The following CRTC3 variants were observed in gnomAD, a reference collection of about 807,000 sequenced individuals.
The protein encoded by CRTC3 is CREB regulated transcription coactivator 3.
Under a neutral mutation model 74.5 loss-of-function variants are expected in CRTC3, and 26 were observed. That is an observed-to-expected ratio of 0.35 (90% CI 0.26 to 0.48). CRTC3 has a LOEUF of 0.48. Among genes scored for constraint, CRTC3 ranks in the 20% least tolerant of loss-of-function variants. CRTC3 has a pLI of 0.99. For missense variants in CRTC3, 760 were observed against 787.3 expected, an observed-to-expected ratio of 0.97 and a Z score of 0.41; for synonymous variants, 377 against 325.8, an observed-to-expected ratio of 1.16 and a Z score of -1.69.
At chr15:90,617,052 A>T (rs570637774) in intron 7 of CRTC3, among the ~76,000 whole-genome samples, 1 of 151,852 alleles carries the variant, frequency 6.6e-6, no homozygotes, top group Admixed American at 6.6e-5. Context: ...CCTGGCCTCA[A>T]TTGTCTACAT....
chr15:90,532,512 G>T (rs978875859), intron 1 of CRTC3, among the ~76,000 whole-genome samples: 8 of 152,168 alleles, frequency 5.3e-5, no homozygotes, highest in Non-Finnish European at 1.2e-4. Context: ...AATCGATAGG[G>T]CAGACATTAC....
intron 6 of CRTC3, among the ~76,000 whole-genome samples, chr15:90,610,127 T>A (rs1350217062): frequency 6.6e-6 from 1 of 152,248 alleles, no homozygotes; most frequent in East Asian, 1.9e-4. Context: ...GGAGCTATTT[T>A]AAATAGTTTC....
At chr15:90,585,365 G>C (rs1200431070) in intron 2 of CRTC3, among the ~76,000 whole-genome samples, 2 of 152,090 alleles carry the variant, frequency 1.3e-5, no homozygotes, top group African/African-American at 2.4e-5. Context: ...GGCTGGTCTC[G>C]AACTCCTGGG....
chr15:90,638,417 A>T, intron 11 of CRTC3, 29 bp from the exon 12 acceptor site: 1 of 1,598,708 alleles, frequency 6.3e-7, no homozygotes, highest in East Asian at 2.2e-5. Context: ...GCAGAAGCTC[A>T]TTAGTGGCTT....
chr15:90,539,044 G>T (rs545223365), intron 1 of CRTC3, among the ~76,000 whole-genome samples: 13 of 152,278 alleles, frequency 8.5e-5, no homozygotes, highest in African/African-American at 2.9e-4. Context: ...CATCCTAGGG[G>T]CTTAGATCTG....
At chr15:90,586,641 TGA>T (rs1967672150) in intron 2 of CRTC3, among the ~76,000 whole-genome samples, 1 of 152,158 alleles carries the variant, frequency 6.6e-6, no homozygotes, top group Non-Finnish European at 1.5e-5. Flanking sequence ...ATTATAGGTG[TGA>T]GCCACCGTGC....
chr15:90,535,197 G>C (rs1966698892), intron 1 of CRTC3, among the ~76,000 whole-genome samples: 1 of 151,734 alleles, frequency 6.6e-6, no homozygotes, highest in African/African-American at 2.4e-5. Context: ...GAACCATGAG[G>C]AGGGCCTAGG....
In CRTC3 at chr15:90,643,664, C is replaced by T. The variant is rs556012423; in HGVS notation, c.*1524C>T. Reference sequence around the variant, plus strand: ...AAATAGATGGGCCAGATTTCCACCACCGCCTGCCTCCTCTAACTTGGGTGA... The same window carrying T: ...AAATAGATGGGCCAGATTTCCACCATCGCCTGCCTCCTCTAACTTGGGTGA... On this transcript the variant is annotated 3_prime_UTR_variant, in exon 15 of 15. Transcript: ENST00000268184. 2.2e-4 allele frequency: 50 copies of T among 230,744 alleles called. 1 individual carries two copies. Among genetic ancestry groups the T allele is most frequent in the Non-Finnish European group, 3.4e-4 (40 of 117,712 alleles). 14.3% of individuals were successfully genotyped at this position (230,744 alleles called of 1,614,324 possible).
At chr15:90,600,839 A>G (rs530357861) in intron 3 of CRTC3, among the ~76,000 whole-genome samples, 3 of 152,368 alleles carry the variant, frequency 2.0e-5, no homozygotes, top group East Asian at 1.9e-4. Flanking sequence ...ATTTAATCCA[A>G]TCAGTGATCC....
At chr15:90,613,402 G>C (rs994099689) in intron 6 of CRTC3, among the ~76,000 whole-genome samples, 3 of 152,134 alleles carry the variant, frequency 2.0e-5, no homozygotes, top group East Asian at 3.9e-4. Context: ...TTCATTTATC[G>C]ACCTCTTCGT....
chr15:90,591,195 C>T lies in CRTC3; in HGVS notation c.232-2441C>T, dbSNP rs528335213. On this transcript the variant is annotated intron_variant, in intron 2 of 14. Coordinates refer to ENST00000268184, the MANE Select transcript of CRTC3 (RefSeq NM_022769.5). ...CCCAGGCTGGTCTTGAACTCCTGGC[C>T]TCAAGTGGTCCTCCCACCTCATGCT... 2.6e-5 allele frequency among the ~76,000 whole-genome samples: 4 copies of T among 152,034 alleles called. No homozygotes were observed. The South Asian group carries it at 8.3e-4, about 32-fold the overall frequency.
At chr15:90,543,636 T>G (rs11853611) in intron 2 of CRTC3, among the ~76,000 whole-genome samples, 24,785 of 152,134 alleles carry the variant, frequency 0.16, 2,306 homozygotes, top group African/African-American at 0.24. Context: ...TCTCCCCAAT[T>G]AGGCTGGTGG....
rs988933071 is a variant in CRTC3, at chr15:90,644,222, T to C, written c.*2082T>C. On this transcript the variant is annotated 3_prime_UTR_variant, in exon 15 of 15. Coordinates refer to ENST00000268184, the MANE Select transcript of CRTC3 (RefSeq NM_022769.5). Reference sequence around the variant, plus strand: ...TTTGTGCTCAAGATCTCAGAGGGGGTGGCTTTTTGTTAAAGAGCCTTCAGT... The same window carrying C: ...TTTGTGCTCAAGATCTCAGAGGGGGCGGCTTTTTGTTAAAGAGCCTTCAGT... 15 of 228,840 alleles carry C rather than the reference T, an allele frequency of 6.6e-5. No homozygotes were observed. In the Admixed American group the frequency reaches 8.0e-4, roughly 12 times the overall value. The allele number at this position is 228,840 out of a possible 1,614,324, so 14.2% of individuals were successfully genotyped here.
intron 9 of CRTC3, among the ~76,000 whole-genome samples, chr15:90,625,215 G>A (rs370995043): frequency 1.9e-4 from 16 of 84,992 alleles, no homozygotes; most frequent in African/African-American, 7.4e-4. Context: ...GCCTGACCCC[G>A]GCGGACACAC....
intron 2 of CRTC3, among the ~76,000 whole-genome samples, chr15:90,587,905 T>G (rs529704546): frequency 2.0e-5 from 3 of 151,274 alleles, no homozygotes; most frequent in African/African-American, 7.3e-5. Context: ...TGAGCCACTA[T>G]GCCTGGCTCC....
chr15:90,547,797 G>C (rs1966846954), intron 2 of CRTC3, among the ~76,000 whole-genome samples: 1 of 151,914 alleles, frequency 6.6e-6, no homozygotes, highest in Non-Finnish European at 1.5e-5. Context: ...GGCACATGTT[G>C]ACTGAATGGC....
At chr15:90,537,064 G>C (rs563244776) in intron 1 of CRTC3, among the ~76,000 whole-genome samples, 56 of 152,282 alleles carry the variant, frequency 3.7e-4, no homozygotes, top group African/African-American at 1.3e-3. Context: ...CTGTGACCTC[G>C]GCCTTAGGCT....
At chr15:90,610,972 C>T (rs112078160) in intron 6 of CRTC3, among the ~76,000 whole-genome samples, 3,278 of 152,308 alleles carry the variant, frequency 0.022, 128 homozygotes, top group African/African-American at 0.075. Context: ...CTTGGCATGC[C>T]TTGGACCTGG....
At chr15:90,583,456 C>T (rs911946720) in intron 2 of CRTC3, among the ~76,000 whole-genome samples, 2 of 152,162 alleles carry the variant, frequency 1.3e-5, no homozygotes, top group Non-Finnish European at 1.5e-5. Flanking sequence ...TGCCTCACAG[C>T]AAGACTTATT....
Sources: gnomAD v4.1 joint callset for allele counts (sites outside exome capture counted in the v4.1 genomes callset) on GRCh38, gnomAD v4.1.1 for gene constraint, MANE v1.5 for transcripts, NCBI Gene and HGNC (gene_info 2026-07-23, HGNC 2026-07-21) for gene names.